CACNG2: variants seen among roughly 807,000 people sequenced by gnomAD.
CACNG2 encodes voltage-dependent calcium channel gamma-2 subunit.
A neutral mutation model predicts 25.9 loss-of-function variants in CACNG2; 3 were observed. That is an observed-to-expected ratio of 0.12 (90% CI 0.05 to 0.30). CACNG2 has a LOEUF of 0.30. CACNG2 is among the 10% of genes least tolerant of loss of function. The pLI is 1.00. For synonymous variants in CACNG2, 167 were observed against 173.3 expected (o/e 0.96, Z 0.29); for missense variants, 341 against 432.5 (o/e 0.79, Z 1.88).
At chr22:36,630,498 C>T (rs1398484971) in intron 1 of CACNG2, among the ~76,000 whole-genome samples, 1 of 152,022 alleles carries the variant, frequency 6.6e-6, no homozygotes, top group Non-Finnish European at 1.5e-5. Flanking sequence ...ATTTGGGAAT[C>T]TAATATACCT....
At chr22:36,607,652 C>T (rs1935864324) in intron 1 of CACNG2, among the ~76,000 whole-genome samples, 2 of 145,998 alleles carry the variant, frequency 1.4e-5, no homozygotes, top group East Asian at 2.0e-4. Context: ...GGAAATAGCT[C>T]GTGCAACGAG....
chr22:36,638,193 C>T (rs1406361674), intron 1 of CACNG2, among the ~76,000 whole-genome samples: 1 of 152,190 alleles, frequency 6.6e-6, no homozygotes, highest in Non-Finnish European at 1.5e-5. Flanking sequence ...GCCCAGGCGA[C>T]TCCCATTGGG....
chr22:36,701,492 G>A (rs1937410978), intron 1 of CACNG2, among the ~76,000 whole-genome samples: 1 of 151,936 alleles, frequency 6.6e-6, no homozygotes, highest in Admixed American at 6.6e-5. Flanking sequence ...CAAGATCAAG[G>A]CAAAGAGCTG....
At chr22:36,584,190 G>A (rs894508096) in intron 2 of CACNG2, among the ~76,000 whole-genome samples, 7 of 152,094 alleles carry the variant, frequency 4.6e-5, no homozygotes, top group South Asian at 4.1e-4. Context: ...GGTGGCTCAC[G>A]CCTGTAATCC....
intron 1 of CACNG2, among the ~76,000 whole-genome samples, chr22:36,608,863 T>C (rs765129099): frequency 1.3e-5 from 2 of 152,228 alleles, no homozygotes; most frequent in Admixed American, 6.5e-5. Flanking sequence ...GAACAGTACA[T>C]GCAGTGAGCT....
rs1603500010 is a variant in CACNG2 at position 36,560,884 on chromosome 22, T to A, written c.*3467A>T. ...AGGACCAAGCTATAAAAAAAAAAAA[T>A]CTTTATTTCATGTACCAGGATTTTT... is the stretch of plus-strand genomic sequence containing the variant. On this transcript the variant is annotated 3_prime_UTR_variant, in exon 4 of 4. Coordinates refer to ENST00000300105, the MANE Select transcript of CACNG2 (RefSeq NM_006078.5). 1 of 147,436 alleles carries A rather than the reference T, an allele frequency of 6.8e-6. No individual in the cohort carries two copies. The highest frequency in any genetic ancestry group is 6.7e-5 in the Admixed American group (1 of 14,902). 9.1% of individuals were successfully genotyped at this position (147,436 alleles called of 1,614,324 possible).
intron 1 of CACNG2, among the ~76,000 whole-genome samples, chr22:36,597,622 G>C (rs1430552220): frequency 6.6e-6 from 1 of 152,140 alleles, no homozygotes; most frequent in African/African-American, 2.4e-5. Context: ...TCTTTCAAAT[G>C]GCACCTCTTT....
chr22:36,635,716 G>C (rs1158228580), intron 1 of CACNG2, among the ~76,000 whole-genome samples: 3 of 152,032 alleles, frequency 2.0e-5, no homozygotes. Context: ...CCACTTGGCT[G>C]TCTCCAAGGC....
Position 36,606,602 on chromosome 22 carries a change from C to T in CACNG2, c.212-19054G>A, listed in dbSNP as rs948238471. 3.3e-5 allele frequency among the ~76,000 whole-genome samples: 5 copies of T among 151,724 alleles called. No homozygotes were observed. Among genetic ancestry groups the T allele is most frequent in the Middle Eastern group, 3.2e-3 (1 of 316 alleles). ...AGGCTTCCTGGAAGAAGCACCATCT[C>T]GGATGAGCCGTGAAGGATAAGTAAA... is the stretch of plus-strand genomic sequence containing the variant. On this transcript the variant is annotated intron_variant, in intron 1 of 3. Transcript: ENST00000300105. The surrounding 1 kb of genome is among the most constrained non-coding windows in gnomAD (Gnocchi z 5.7).
chr22:36,642,173 G>C (rs1377410568), intron 1 of CACNG2, among the ~76,000 whole-genome samples: 13 of 152,198 alleles, frequency 8.5e-5, no homozygotes. Context: ...GTTGGGGAGA[G>C]AGGGGCATGT....
chr22:36,564,699 C>T lies in CACNG2; in HGVS notation c.624G>A (p.Leu208=). The change falls in exon 4 of 4, where the codon CTG becomes CTA. Residue 208 remains leucine (L), a synonymous_variant. Coordinates refer to ENST00000300105, the MANE Select transcript of CACNG2 (RefSeq NM_006078.5). This position sits in a 1 kb window ranked among gnomAD's most constrained non-coding sequence, Gnocchi z 6.7. ...AGTCCGTGGCGCGGGCCGTGGCCCG[C>T]AGCTGTTTGTGCCGGTCGATAAACA... ...VHMFIDRHKQ[L]RATARATDYL... is the part of the protein sequence containing the mutation. 1.2e-6 allele frequency: 2 copies of T among 1,614,096 alleles called. No homozygotes were observed. Among genetic ancestry groups the T allele is most frequent in the Non-Finnish European group, 1.7e-6 (2 of 1,180,028 alleles).
At chr22:36,695,397 G>C (rs9610565) in intron 1 of CACNG2, among the ~76,000 whole-genome samples, 94,867 of 151,602 alleles carry the variant, frequency 0.63, 30,434 homozygotes, top group East Asian at 0.77. Flanking sequence ...TAACAGAACA[G>C]TACCCTTTAA....
intron 1 of CACNG2, among the ~76,000 whole-genome samples, chr22:36,665,131 C>T (rs189961875): frequency 7.9e-5 from 12 of 152,322 alleles, no homozygotes; most frequent in East Asian, 3.9e-4. Context: ...ATTTCCCACA[C>T]CTCCTTGCTC....
intron 1 of CACNG2, among the ~76,000 whole-genome samples, chr22:36,645,536 C>CAAAAAAAAAAAAAAAAAAAA (rs200600420): frequency 1.5e-5 from 2 of 134,760 alleles, no homozygotes; most frequent in African/African-American, 5.5e-5. Flanking sequence ...GACTCTGTCT[C>CAAAAAAAAAAAAAAAAAAAA]AAAAAAAAAA....
chr22:36,663,337 A>G (rs1472981745), intron 1 of CACNG2, among the ~76,000 whole-genome samples: 1 of 152,136 alleles, frequency 6.6e-6, no homozygotes, highest in Non-Finnish European at 1.5e-5. Flanking sequence ...GGTTTTCGCC[A>G]AGGGGTACTT....
intron 1 of CACNG2, among the ~76,000 whole-genome samples, chr22:36,688,955 C>G (rs1438223296): frequency 6.6e-6 from 1 of 152,178 alleles, no homozygotes; most frequent in Non-Finnish European, 1.5e-5. Context: ...TTGACCTCAT[C>G]CTTTTGGGGA....
chr22:36,666,388 A>G (rs1200908149), intron 1 of CACNG2, among the ~76,000 whole-genome samples: 2 of 151,750 alleles, frequency 1.3e-5, no homozygotes, highest in Admixed American at 1.3e-4. Flanking sequence ...AGCCTGGGTG[A>G]CAGAGTGAAA....
intron 1 of CACNG2, among the ~76,000 whole-genome samples, chr22:36,672,915 T>C (rs1203700858): frequency 6.6e-6 from 1 of 152,242 alleles, no homozygotes; most frequent in Non-Finnish European, 1.5e-5. Context: ...GGGCCCATCA[T>C]GGGACTTGCG....
rs1180310573 is a variant in CACNG2, at chr22:36,613,502, A to G, written c.212-25954T>C. 2.0e-5 allele frequency among the ~76,000 whole-genome samples: 3 copies of G among 151,756 alleles called. No individual in the cohort carries two copies. In the East Asian group the frequency reaches 5.8e-4, roughly 29 times the overall value. ...GTCTTCCCTTGGCGTCTGGGTCCTC[A>G]AGGTTGCTTGGTTTTCTTCCTGTTC... is the stretch of plus-strand genomic sequence containing the variant. On this transcript the variant is annotated intron_variant, in intron 1 of 3. Coordinates refer to ENST00000300105, the MANE Select transcript of CACNG2 (RefSeq NM_006078.5).
Sources: gnomAD v4.1 joint callset for allele counts (sites outside exome capture counted in the v4.1 genomes callset) on GRCh38, gnomAD v4.1.1 for gene constraint, Gnocchi (gnomAD v3.1) non-coding constraint, MANE v1.5 for transcripts, NCBI Gene and HGNC (gene_info 2026-07-23, HGNC 2026-07-21) for gene names.